OXR1: variants seen among roughly 807,000 people sequenced by gnomAD.
OXR1 encodes the protein oxidation resistance 1.
OXR1 carries 41 observed loss-of-function variants against 104.6 expected under a neutral mutation model. The observed-to-expected ratio is 0.39, with a 90% CI of 0.31 to 0.51. The LOEUF is 0.51. Among genes scored for constraint, OXR1 ranks in the 20% least tolerant of loss-of-function variants. The probability of loss-of-function intolerance (pLI) is 0.77; values close to 1 mark genes in which losing one functional copy is unlikely to be tolerated. For synonymous variants in OXR1, 348 were observed against 348.4 expected (o/e 1.00, Z 0.01); for missense variants, 955 against 1,031.9 (o/e 0.93, Z 1.02).
chr8:106,629,621 GTAA>G (rs1822493442), intron 3 of OXR1, among the ~76,000 whole-genome samples: 1 of 152,094 alleles, frequency 6.6e-6, no homozygotes, highest in African/African-American at 2.4e-5. Flanking sequence ...TGGTTATTAT[GTAA>G]TAATATGTAA....
At chr8:106,331,573 G>A (rs961857126) in intron 1 of OXR1, among the ~76,000 whole-genome samples, 5 of 152,014 alleles carry the variant, frequency 3.3e-5, no homozygotes, top group East Asian at 3.9e-4. Context: ...AGGAAATGTC[G>A]TAAATCCCAT....
chr8:106,631,935 T>G (rs946553353), intron 3 of OXR1, among the ~76,000 whole-genome samples: 2 of 152,180 alleles, frequency 1.3e-5, no homozygotes, highest in African/African-American at 4.8e-5. Context: ...CATCAAGATA[T>G]AGTACAAAAA....
At position 106,585,133 on chromosome 8, in the gene OXR1, G is replaced by A. The variant is rs190974396; in HGVS notation, c.220+65994G>A. ...TGCACTTTTATGGTATACTTTCCTG[G>A]GGTGAAAAGTTGCTTATTTGACTAA... On this transcript the variant is annotated intron_variant, in intron 3 of 16. Coordinates refer to ENST00000517566, the MANE Select transcript of OXR1 (RefSeq NM_001198533.2). 2.0e-5 allele frequency among the ~76,000 whole-genome samples: 3 copies of A among 152,046 alleles called. No homozygotes were observed. The East Asian group carries it at 5.8e-4, about 29-fold the overall frequency.
At chr8:106,526,127 T>G (rs1813642426) in intron 3 of OXR1, among the ~76,000 whole-genome samples, 2 of 152,276 alleles carry the variant, frequency 1.3e-5, no homozygotes, top group South Asian at 4.1e-4. Context: ...TAAAATAGAT[T>G]AAGTGAGAGA....
intron 2 of OXR1, among the ~76,000 whole-genome samples, chr8:106,481,418 A>AT (rs918807772): frequency 3.3e-5 from 5 of 152,008 alleles, no homozygotes; most frequent in African/African-American, 1.2e-4. Flanking sequence ...TTCAATATTG[A>AT]TTTTTTAAAC....
At chr8:106,409,223 G>A (rs139370118) in intron 2 of OXR1, among the ~76,000 whole-genome samples, 1 of 152,038 alleles carries the variant, frequency 6.6e-6, no homozygotes, top group Non-Finnish European at 1.5e-5. Flanking sequence ...TTAGCTTCTC[G>A]GAAGAAAAGA....
At chr8:106,740,982 G>A (rs148943353) in intron 14 of OXR1, among the ~76,000 whole-genome samples, 2 of 152,192 alleles carry the variant, frequency 1.3e-5, no homozygotes, top group South Asian at 2.1e-4. Flanking sequence ...AGGTAAAATA[G>A]CAATATTAGA....
At chr8:106,546,120 C>T (rs945600625) in intron 3 of OXR1, among the ~76,000 whole-genome samples, 10 of 152,180 alleles carry the variant, frequency 6.6e-5, no homozygotes, top group Admixed American at 3.9e-4. Flanking sequence ...TCGGTAGGGT[C>T]TCATTCTACC....
chr8:106,424,308 A>G (rs185498916), intron 2 of OXR1, among the ~76,000 whole-genome samples: 1 of 152,310 alleles, frequency 6.6e-6, no homozygotes, highest in East Asian at 1.9e-4. Context: ...TCTGTAACTT[A>G]GTAATCCAAG....
At chr8:106,335,635 A>T (rs539250769) in intron 1 of OXR1, among the ~76,000 whole-genome samples, 5 of 152,118 alleles carry the variant, frequency 3.3e-5, no homozygotes, top group South Asian at 2.1e-4. Context: ...AATAAAAAAA[A>T]TTTTGATTTG....
chr8:106,328,382 G>C (rs1234106336), intron 1 of OXR1, among the ~76,000 whole-genome samples: 2 of 152,092 alleles, frequency 1.3e-5, no homozygotes, highest in African/African-American at 4.8e-5. Flanking sequence ...TTCCAGTGTG[G>C]GTTAGTTTCA....
chr8:106,545,861 T>C (rs1486560547), intron 3 of OXR1, among the ~76,000 whole-genome samples: 1 of 152,092 alleles, frequency 6.6e-6, no homozygotes, highest in East Asian at 1.9e-4. Flanking sequence ...CCAGTTGTGG[T>C]GGTGCACAGC....
rs150986221 is a variant in OXR1 at position 106,507,188 on chromosome 8, G to A, written c.24-11755G>A. Among the ~76,000 whole-genome samples, 6 of 152,364 alleles carry A rather than the reference G, an allele frequency of 3.9e-5. No homozygotes were observed. The East Asian group carries it at 5.8e-4, about 15-fold the overall frequency. ...TATGAAAGTAGAATGTTTCAAGATA[G>A]AGGGAGTGGTTAAAAAAAGTTGAGT... On this transcript the variant is annotated intron_variant, in intron 2 of 16. Transcript: ENST00000517566.
At chr8:106,341,767 G>A (rs568193979) in intron 1 of OXR1, among the ~76,000 whole-genome samples, 18 of 151,950 alleles carry the variant, frequency 1.2e-4, no homozygotes, top group Admixed American at 2.0e-4. Flanking sequence ...TTTAAAAAGT[G>A]TTTCTCTATC....
At chr8:106,467,465 C>A (rs1007902621) in intron 2 of OXR1, among the ~76,000 whole-genome samples, 3 of 151,844 alleles carry the variant, frequency 2.0e-5, no homozygotes, top group Admixed American at 6.6e-5. Context: ...TTCCTGGTGG[C>A]TTGATAGGCA....
intron 8 of OXR1, among the ~76,000 whole-genome samples, chr8:106,704,240 G>T (rs1026352311): frequency 1.3e-4 from 20 of 151,760 alleles, no homozygotes; most frequent in African/African-American, 4.6e-4. Flanking sequence ...ATTGGGAGGT[G>T]GATAATGGGA....
chr8:106,719,915 C>T (rs1832677772), intron 11 of OXR1, among the ~76,000 whole-genome samples: 1 of 152,170 alleles, frequency 6.6e-6, no homozygotes, highest in Admixed American at 6.5e-5. Flanking sequence ...ACGCCATTCT[C>T]CTGCCTCAGC....
rs114307609 is a variant in OXR1, at chr8:106,454,889, G to A, written c.24-64054G>A. Among the ~76,000 whole-genome samples, 593 of 152,196 alleles carry A rather than the reference G, an allele frequency of 3.9e-3. 3 individuals are homozygous for A. The highest frequency in any genetic ancestry group is 0.013 in the African/African-American group (555 of 41,520). ...GCCTTTCTTACTTCCCCAGATGGAC[G>A]GGGTCTCTTCCGCCTTGCCACCCTC... On this transcript the variant is annotated intron_variant, in intron 2 of 16. Coordinates refer to ENST00000517566, the MANE Select transcript of OXR1 (RefSeq NM_001198533.2).
intron 2 of OXR1, among the ~76,000 whole-genome samples, chr8:106,394,153 T>G (rs1817687058): frequency 6.6e-6 from 1 of 151,578 alleles, no homozygotes; most frequent in South Asian, 2.1e-4. Flanking sequence ...ATTCTAAGAG[T>G]TGGGGGCAGG....
Sources: gnomAD v4.1 joint callset for allele counts (sites outside exome capture counted in the v4.1 genomes callset) on GRCh38, gnomAD v4.1.1 for gene constraint, MANE v1.5 for transcripts, NCBI Gene and HGNC (gene_info 2026-07-23, HGNC 2026-07-21) for gene names.